The following LOC400499 variants were observed in gnomAD, a reference collection of about 807,000 sequenced individuals.
the LOC400499 span, chr16:11,450,765 G>A: frequency 6.5e-7 from 1 of 1,536,120 alleles, no homozygotes; most frequent in Non-Finnish European, 8.7e-7. Flanking sequence ...GGTGTGGCCA[G>A]TATAGCCTGT....
chr16:11,515,744 G>GAAAAGGGAGGAGGAGGAGC, the LOC400499 span, among the ~76,000 whole-genome samples: 3 of 148,362 alleles, frequency 2.0e-5, no homozygotes, highest in African/African-American at 7.6e-5. Flanking sequence ...GGAGGAGGAG[G>GAAAAGGGAGGAGGAGGAGC]AAAAGGGAGG....
the LOC400499 span, chr16:11,390,511 A>G: frequency 8.2e-7 from 1 of 1,225,358 alleles, no homozygotes; most frequent in Non-Finnish European, 1.0e-6. Flanking sequence ...GGCAGGTCAG[A>G]GAACCAGCCC....
the LOC400499 span, among the ~76,000 whole-genome samples, chr16:11,395,439 G>A: frequency 3.9e-5 from 6 of 152,206 alleles, no homozygotes; most frequent in East Asian, 1.9e-4. Flanking sequence ...CATCAGGCAC[G>A]GGGCTTACAG....
chr16:11,523,959 AC>A, the LOC400499 span, among the ~76,000 whole-genome samples: 5 of 42,572 alleles, frequency 1.2e-4, no homozygotes, highest in African/African-American at 5.0e-4. Flanking sequence ...CCATCCACCC[AC>A]CCGCTCCCCT....
At chr16:11,500,465 C>T in the LOC400499 span, among the ~76,000 whole-genome samples, 2 of 151,764 alleles carry the variant, frequency 1.3e-5, no homozygotes, top group Non-Finnish European at 2.9e-5. Context: ...GAGCTGAGAT[C>T]GCACTGCTGC....
the LOC400499 span, among the ~76,000 whole-genome samples, chr16:11,505,814 T>C: frequency 5.3e-4 from 81 of 152,110 alleles, no homozygotes; most frequent in African/African-American, 2.4e-5. Context: ...ATTTGATACA[T>C]TCATCTAATC....
At chr16:11,453,929 T>G in the LOC400499 span, among the ~76,000 whole-genome samples, 1 of 152,196 alleles carries the variant, frequency 6.6e-6, no homozygotes, top group South Asian at 2.1e-4. Context: ...AAGGAAATTA[T>G]CAAAGAAACT....
chr16:11,462,154 C>A, the LOC400499 span: 2 of 1,529,382 alleles, frequency 1.3e-6, no homozygotes, highest in South Asian at 1.2e-5. Context: ...GATGGCTCAG[C>A]GATGCGGAGA....
At chr16:11,524,361 G>GCCCCCCCCCCCCCCCCCC in the LOC400499 span, among the ~76,000 whole-genome samples, 5 of 93,740 alleles carry the variant, frequency 5.3e-5, no homozygotes, top group African/African-American at 3.2e-4. Context: ...CATCCACCCA[G>GCCCCCCCCCCCCCCCCCC]CCACCCACCC....
At chr16:11,383,087 ACGGAGTCTC>A in the LOC400499 span, among the ~76,000 whole-genome samples, 1 of 118,886 alleles carries the variant, frequency 8.4e-6, no homozygotes, top group Non-Finnish European at 1.9e-5. Flanking sequence ...TTTTTTTGAG[ACGGAGTCTC>A]ACTCTGTTGC....
chr16:11,378,513 C>G, the LOC400499 span, among the ~76,000 whole-genome samples: 1 of 152,186 alleles, frequency 6.6e-6, no homozygotes, highest in Non-Finnish European at 1.5e-5. Context: ...ATTTGCCCAC[C>G]TCGGCCTCCC....
the LOC400499 span, among the ~76,000 whole-genome samples, chr16:11,427,408 T>G: frequency 1.0e-5 from 1 of 100,034 alleles, no homozygotes; most frequent in Non-Finnish European, 2.2e-5. Context: ...AACAGGGAAA[T>G]GCAAATTAAA....
At chr16:11,376,069 T>G in the LOC400499 span, among the ~76,000 whole-genome samples, 83 of 152,212 alleles carry the variant, frequency 5.5e-4, no homozygotes, top group African/African-American at 1.8e-3. Flanking sequence ...GGTTGGGTTT[T>G]TGTTGTTACA....
the LOC400499 span, among the ~76,000 whole-genome samples, chr16:11,517,767 C>A: frequency 6.6e-6 from 1 of 152,074 alleles, no homozygotes; most frequent in Non-Finnish European, 1.5e-5. Flanking sequence ...CTGGTATCTG[C>A]AGAGTGAAGG....
the LOC400499 span, among the ~76,000 whole-genome samples, chr16:11,512,595 C>T: frequency 9.2e-5 from 14 of 152,180 alleles, no homozygotes; most frequent in Middle Eastern, 3.4e-3. Context: ...AGCAAGCCTC[C>T]ATCTCAAAAT....
chr16:11,397,720 G>A, the LOC400499 span, among the ~76,000 whole-genome samples: 1 of 130,082 alleles, frequency 7.7e-6, no homozygotes, highest in African/African-American at 2.7e-5. Flanking sequence ...TCTCTTTACA[G>A]AAGAGTATGA....
At chr16:11,392,791 A>G in the LOC400499 span, 95 of 982,978 alleles carry the variant, frequency 9.7e-5, no homozygotes, top group Non-Finnish European at 1.1e-4. Context: ...ATCACAGCTC[A>G]CTCCCAGCAG....
chr16:11,487,569 T>C, the LOC400499 span, among the ~76,000 whole-genome samples: 2 of 151,726 alleles, frequency 1.3e-5, no homozygotes, highest in East Asian at 3.9e-4. Flanking sequence ...GGACACAGAG[T>C]CACACACACC....
the LOC400499 span, among the ~76,000 whole-genome samples, chr16:11,510,857 C>A: frequency 1.3e-5 from 2 of 151,556 alleles, no homozygotes; most frequent in East Asian, 3.9e-4. Context: ...CCATCTGAGC[C>A]CAGCGCGGAA....
Sources: allele counts gnomAD v4.1 joint callset (sites outside exome capture counted in the v4.1 genomes callset), GRCh38; gene constraint gnomAD v4.1.1; transcripts MANE v1.5.